Variants in NFATC2 observed in about 807,000 individuals in gnomAD.
NFATC2 encodes nuclear factor of activated T cells 2.
In NFATC2, 22 loss-of-function variants were observed where a neutral mutation model predicts 87.3. The observed-to-expected ratio is 0.25, with a 90% CI of 0.18 to 0.36. The LOEUF (loss-of-function observed/expected upper bound fraction) is 0.36, where lower values mean the gene tolerates loss of function less well. NFATC2 is among the 10% of genes least tolerant of loss of function. NFATC2 has a pLI of 1.00. For missense variants in NFATC2, 1,149 were observed against 1,259.1 expected (o/e 0.91, Z 1.32); for synonymous variants, 565 against 542.2 (o/e 1.04, Z -0.58).
chr20:51,558,394 T>TA (rs1158458378), intron 1 of NFATC2, among the ~76,000 whole-genome samples: 1 of 151,960 alleles, frequency 6.6e-6, no homozygotes, highest in Admixed American at 6.6e-5. Flanking sequence ...GAAGTATAAA[T>TA]AATCAGTCAT....
At chr20:51,396,038 G>GTATATA (rs1161908517) in intron 10 of NFATC2, among the ~76,000 whole-genome samples, 49 of 21,186 alleles carry the variant, frequency 2.3e-3, no homozygotes, top group Admixed American at 3.8e-3. Flanking sequence ...CTCCTAGTAT[G>GTATATA]TATATATATA....
chr20:51,446,616 A>T (rs1156864157), intron 6 of NFATC2, among the ~76,000 whole-genome samples: 49 of 152,230 alleles, frequency 3.2e-4, no homozygotes, highest in Admixed American at 3.2e-3. Context: ...CTTCAAATGG[A>T]TGCAAACGGA....
At chr20:51,552,606 G>A (rs2076943511) in intron 1 of NFATC2, among the ~76,000 whole-genome samples, 1 of 152,070 alleles carries the variant, frequency 6.6e-6, no homozygotes, top group East Asian at 1.9e-4. Context: ...CACTGGGCAG[G>A]CACTGATGGC....
chr20:51,477,253 A>G lies in NFATC2; in HGVS notation c.1333-1593T>C, dbSNP rs1180533068. ...ATCTAGGACACGCTGTTGAAAAACAAAAGCAATGTGTAGAAAAATACATAC... is the reference window on the plus strand; with the variant it reads ...ATCTAGGACACGCTGTTGAAAAACAGAAGCAATGTGTAGAAAAATACATAC... On this transcript the variant is annotated intron_variant, in intron 3 of 10. Transcript: ENST00000371564. Among the ~76,000 whole-genome samples, 3 of 152,086 alleles carry G rather than the reference A, an allele frequency of 2.0e-5. No homozygotes were observed. In the East Asian group the frequency reaches 5.8e-4, roughly 29 times the overall value.
intron 5 of NFATC2, among the ~76,000 whole-genome samples, chr20:51,472,982 T>G (rs1313158237): frequency 2.0e-5 from 3 of 152,224 alleles, no homozygotes. Context: ...TAATAAGTGT[T>G]GTCACATCTA....
rs188979538 is a variant in NFATC2, at chr20:51,508,351, C to T, written c.1332+8433G>A. 8.7e-4 allele frequency among the ~76,000 whole-genome samples: 133 copies of T among 152,248 alleles called. 1 individual carries two copies. The highest frequency in any genetic ancestry group is 5.0e-3 in the South Asian group (24 of 4,798). ...CGGAGGCCAGGGTGCAGGTCTCAAT[C>T]GTTTCACAAGTCCATCCTCGACCAC... On this transcript the variant is annotated intron_variant, in intron 3 of 10. Coordinates refer to ENST00000371564, the MANE Select transcript of NFATC2 (RefSeq NM_012340.5).
chr20:51,511,107 C>T (rs57959442), intron 3 of NFATC2, among the ~76,000 whole-genome samples: 7,170 of 152,312 alleles, frequency 0.047, 208 homozygotes, highest in South Asian at 0.066. Flanking sequence ...ATTCCACCCA[C>T]ATTCCCACAT....
chr20:51,405,710 A>G (rs1988496828), intron 9 of NFATC2, among the ~76,000 whole-genome samples: 1 of 152,144 alleles, frequency 6.6e-6, no homozygotes, highest in African/African-American at 2.4e-5. Flanking sequence ...AGCACCTAGG[A>G]CAGAGCCCAG....
intron 1 of NFATC2, among the ~76,000 whole-genome samples, chr20:51,553,812 C>A (rs1418833328): frequency 6.6e-6 from 1 of 151,996 alleles, no homozygotes; most frequent in Non-Finnish European, 1.5e-5. Flanking sequence ...CAAGGTAGAA[C>A]CTCAAGGGGC....
rs1288018914 is a variant in NFATC2, at chr20:51,562,091, T to C, written c.70+469A>G. Among the ~76,000 whole-genome samples, 9 of 152,176 alleles carry C rather than the reference T, an allele frequency of 5.9e-5. No individual in the cohort carries two copies. The highest frequency in any genetic ancestry group is 7.3e-5 in the Non-Finnish European group (5 of 68,036). Reference sequence around the variant, plus strand: ...GAGCATCCGCTGCTGCTGTAACTGTTAGAAAGCAAAGTCTTCCTTACTATA... The same window carrying C: ...GAGCATCCGCTGCTGCTGTAACTGTCAGAAAGCAAAGTCTTCCTTACTATA... On this transcript the variant is annotated intron_variant, in intron 1 of 10. Transcript: ENST00000414705. The surrounding 1 kb of genome is among the most constrained non-coding windows in gnomAD (Gnocchi z 5.8).
intron 3 of NFATC2, among the ~76,000 whole-genome samples, chr20:51,506,461 C>T (rs1372744655): frequency 1.3e-5 from 2 of 152,162 alleles, no homozygotes; most frequent in Non-Finnish European, 2.9e-5. Flanking sequence ...AAACAGAGCC[C>T]CGTGAGAAGC....
chr20:51,536,106 G>A (rs575470750), intron 1 of NFATC2, among the ~76,000 whole-genome samples: 1 of 152,300 alleles, frequency 6.6e-6, no homozygotes, highest in South Asian at 2.1e-4. Flanking sequence ...AGAGCTCCCT[G>A]TCATTTCTCA....
intron 3 of NFATC2, among the ~76,000 whole-genome samples, chr20:51,486,992 T>A (rs556370305): frequency 6.6e-6 from 1 of 152,320 alleles, no homozygotes; most frequent in South Asian, 2.1e-4. Flanking sequence ...TGGCAGCTCA[T>A]GGAGATGGCG....
intron 6 of NFATC2, among the ~76,000 whole-genome samples, chr20:51,442,088 C>G (rs73269942): frequency 0.023 from 3,475 of 152,238 alleles, 128 homozygotes; most frequent in East Asian, 0.13. Flanking sequence ...CTGGGCAGCC[C>G]TTAGGTAGAT....
At chr20:51,516,582 G>C (rs2076354565) in intron 3 of NFATC2, among the ~76,000 whole-genome samples, 1 of 152,192 alleles carries the variant, frequency 6.6e-6, no homozygotes, top group African/African-American at 2.4e-5. Flanking sequence ...TCCTTATCCT[G>C]CTGAAGAAGA....
intron 6 of NFATC2, among the ~76,000 whole-genome samples, chr20:51,450,804 T>A (rs953247931): frequency 6.6e-6 from 1 of 152,222 alleles, no homozygotes; most frequent in African/African-American, 2.4e-5. Flanking sequence ...ATTATTACTC[T>A]TGTTCTTAAC....
intron 5 of NFATC2, among the ~76,000 whole-genome samples, chr20:51,459,112 C>G (rs139652544): frequency 6.6e-6 from 1 of 152,136 alleles, no homozygotes; most frequent in Non-Finnish European, 1.5e-5. Context: ...ACTATATGGA[C>G]GCAGTCAGTA....
intron 1 of NFATC2, among the ~76,000 whole-genome samples, chr20:51,558,347 T>TA (rs1318130934): frequency 6.6e-6 from 1 of 151,830 alleles, no homozygotes; most frequent in African/African-American, 2.4e-5. Flanking sequence ...GTCTCAAAAA[T>TA]AAAAAAATAA....
chr20:51,463,348 T>C (rs555976385), intron 5 of NFATC2, among the ~76,000 whole-genome samples: 8 of 152,084 alleles, frequency 5.3e-5, no homozygotes, highest in Non-Finnish European at 7.4e-5. Flanking sequence ...ACACAGTGAG[T>C]GACAAAGTTG....
Sources: allele counts gnomAD v4.1 joint callset (sites outside exome capture counted in the v4.1 genomes callset), GRCh38; gene constraint gnomAD v4.1.1; non-coding constraint Gnocchi (gnomAD v3.1); transcripts MANE v1.5; gene names NCBI Gene and HGNC (gene_info 2026-07-23, HGNC 2026-07-21).